CACNA2D3: variants seen among roughly 807,000 people sequenced by gnomAD.
The protein encoded by CACNA2D3 is calcium voltage-gated channel auxiliary subunit alpha2delta 3, also known as voltage-dependent calcium channel subunit alpha-2/delta-3.
Under a neutral mutation model 160.6 loss-of-function variants are expected in CACNA2D3, and 60 were observed. That is an observed-to-expected ratio of 0.37 (90% CI 0.30 to 0.46). CACNA2D3 has a LOEUF of 0.46. Ranked by LOEUF, CACNA2D3 falls within the 20% of genes least tolerant of loss-of-function variation. CACNA2D3 has a pLI of 1.00. For synonymous variants in CACNA2D3, 558 were observed against 492.9 expected (o/e 1.13, Z -1.75); for missense variants, 1,205 against 1,365.0 (o/e 0.88, Z 1.85).
At chr3:54,201,348 G>T (rs951930118) in intron 2 of CACNA2D3, among the ~76,000 whole-genome samples, 5 of 152,146 alleles carry the variant, frequency 3.3e-5, no homozygotes, top group Non-Finnish European at 7.4e-5. Flanking sequence ...AACAATTAGA[G>T]CCATGATGGG....
At chr3:54,170,649 C>T (rs1385044072) in intron 2 of CACNA2D3, among the ~76,000 whole-genome samples, 1 of 152,128 alleles carries the variant, frequency 6.6e-6, no homozygotes, top group Non-Finnish European at 1.5e-5. Flanking sequence ...TCCTTCCTTC[C>T]TCCTTTCAGT....
At chr3:54,922,344 G>T (rs1192755024) in intron 27 of CACNA2D3, among the ~76,000 whole-genome samples, 6 of 147,966 alleles carry the variant, frequency 4.1e-5, no homozygotes, top group Non-Finnish European at 7.4e-5. Flanking sequence ...TTTTAATCAA[G>T]AAATGTTCTT....
chr3:54,811,831 G>T (rs1164421808), intron 13 of CACNA2D3, among the ~76,000 whole-genome samples: 3 of 152,158 alleles, frequency 2.0e-5, no homozygotes, highest in Admixed American at 2.0e-4. Flanking sequence ...CCATTCAATA[G>T]TCTGGTCACC....
In CACNA2D3 at chr3:54,448,367, C is replaced by G. The variant is rs186654338; in HGVS notation, c.382-55125C>G. Among the ~76,000 whole-genome samples, 233 of 152,304 alleles carry G rather than the reference C, an allele frequency of 1.5e-3. 1 individual carries two copies. The highest frequency in any genetic ancestry group is 2.7e-3 in the Non-Finnish European group (187 of 68,020). On this transcript the variant is annotated intron_variant, in intron 4 of 37. Transcript: ENST00000474759. ...TCAAGAGCAGCAGGAGGAGCCATCT[C>G]CTCTAGTTCTGTGTTTTAGACCCTG...
At chr3:54,512,566 A>G (rs1277366244) in intron 5 of CACNA2D3, among the ~76,000 whole-genome samples, 2 of 152,142 alleles carry the variant, frequency 1.3e-5, no homozygotes, top group Admixed American at 1.3e-4. Context: ...GCAGTTGTAC[A>G]TCAAGAAATT....
chr3:55,057,118 C>T lies in CACNA2D3; in HGVS notation c.2988-16327C>T, dbSNP rs73073760. On this transcript the variant is annotated intron_variant, in intron 35 of 37. Coordinates refer to ENST00000474759, the MANE Select transcript of CACNA2D3 (RefSeq NM_018398.3). ...TCATGGGGGTAGGTCTTTCCTGTGC[C>T]GCTCTCGTGATAGTGAATAGCCACT... Among the ~76,000 whole-genome samples the T allele has an allele frequency of 6.1e-3, 928 of 152,184 alleles. 6 individuals are homozygous for T. Among genetic ancestry groups the T allele is most frequent in the African/African-American group, 0.012 (498 of 41,534 alleles).
rs1429901940 is a variant in CACNA2D3 at position 54,763,868 on chromosome 3, TAC to T, written c.1247-349_1247-348del. On this transcript the variant is annotated intron_variant, in intron 12 of 37. Transcript: ENST00000474759. Reference sequence around the variant, plus strand: ...ATGTACATATATATACATATATATATACGTATATATATGTATATATATGTATG... The same window carrying T: ...ATGTACATATATATACATATATATATGTATATATATGTATATATATGTATG... Among the ~76,000 whole-genome samples the T allele has an allele frequency of 1.4e-4, 10 of 69,140 alleles. 1 individual carries two copies. Among genetic ancestry groups the T allele is most frequent in the South Asian group, 5.3e-4 (1 of 1,902 alleles). 45.4% of individuals were successfully genotyped at this position (69,140 alleles called of 152,430 possible).
chr3:54,500,479 T>G (rs921088897), intron 4 of CACNA2D3, among the ~76,000 whole-genome samples: 1 of 151,778 alleles, frequency 6.6e-6, no homozygotes, highest in African/African-American at 2.4e-5. Flanking sequence ...CCATCTTCCT[T>G]CCTTCCTATC....
chr3:54,547,006 G>A (rs965236977), intron 5 of CACNA2D3, among the ~76,000 whole-genome samples: 2 of 152,268 alleles, frequency 1.3e-5, no homozygotes, highest in East Asian at 1.9e-4. Flanking sequence ...GCACTTGTCC[G>A]TGCCACTCAG....
intron 35 of CACNA2D3, among the ~76,000 whole-genome samples, chr3:55,054,246 C>T (rs1704306952): frequency 6.6e-6 from 1 of 151,840 alleles, no homozygotes; most frequent in Non-Finnish European, 1.5e-5. Flanking sequence ...TTTCTCTTTA[C>T]TCAACTCTGG....
rs376279924 is a variant in CACNA2D3 at position 54,854,526 on chromosome 3, A to AT, written c.1626+8067dup. Among the ~76,000 whole-genome samples the AT allele has an allele frequency of 5.1e-3, 776 of 152,016 alleles. 8 individuals are homozygous for AT. Among genetic ancestry groups the AT allele is most frequent in the African/African-American group, 0.017 (725 of 41,474 alleles). ...GGGGTCTGGAATCAATCCCACAGGTATTTTTTTTATTATGGACAGTGTGCT... is the reference window on the plus strand; with the variant it reads ...GGGGTCTGGAATCAATCCCACAGGTATTTTTTTTTATTATGGACAGTGTGCT... On this transcript the variant is annotated intron_variant, in intron 17 of 37. Transcript: ENST00000474759.
chr3:54,320,404 G>T (rs41277447), intron 2 of CACNA2D3, 38 bp from the exon 3 acceptor site: 141,239 of 1,016,896 alleles, frequency 0.14, 10,607 homozygotes, highest in South Asian at 0.2. Context: ...GTGTTTTACG[G>T]TGTCATGTGT....
chr3:54,630,163 T>C (rs962858611), intron 10 of CACNA2D3, among the ~76,000 whole-genome samples: 1 of 152,158 alleles, frequency 6.6e-6, no homozygotes, highest in African/African-American at 2.4e-5. Flanking sequence ...AGATTCAGCC[T>C]GATGAGGCAG....
chr3:54,648,954 A>AC (rs1699705257), intron 11 of CACNA2D3, among the ~76,000 whole-genome samples: 1 of 152,176 alleles, frequency 6.6e-6, no homozygotes, highest in East Asian at 1.9e-4. Flanking sequence ...CAACCCCATG[A>AC]CCCAAACACC....
rs138347027 is a variant in CACNA2D3 at position 54,281,501 on chromosome 3, G to A, written c.205-38941G>A. On this transcript the variant is annotated intron_variant, in intron 2 of 37. Coordinates refer to ENST00000474759, the MANE Select transcript of CACNA2D3 (RefSeq NM_018398.3). The stretch of plus-strand genomic sequence containing the variant: ...GAGGGGTGCAGGCAGACCCCAGAGC[G>A]CACTCAAACATGGCAGCTCTGTAAT... Among the ~76,000 whole-genome samples the A allele has an allele frequency of 4.6e-5, 7 of 152,122 alleles. No individual in the cohort carries two copies. In the East Asian group the frequency reaches 5.8e-4, roughly 13 times the overall value.
intron 2 of CACNA2D3, among the ~76,000 whole-genome samples, chr3:54,210,827 G>C (rs1701359133): frequency 6.6e-6 from 1 of 152,198 alleles, no homozygotes; most frequent in Non-Finnish European, 1.5e-5. Context: ...GGCAGAGAGA[G>C]GTGGTGAGTT....
chr3:55,025,578 G>T (rs1033194296), intron 35 of CACNA2D3, among the ~76,000 whole-genome samples: 46 of 141,602 alleles, frequency 3.2e-4, no homozygotes, highest in Non-Finnish European at 7.5e-5. Flanking sequence ...AGGTTGCAGT[G>T]AGCCAAGATT....
intron 2 of CACNA2D3, among the ~76,000 whole-genome samples, chr3:54,139,177 G>A (rs1387652467): frequency 2.0e-5 from 3 of 152,226 alleles, no homozygotes; most frequent in Non-Finnish European, 2.9e-5. Flanking sequence ...ATTTCCTGGT[G>A]CGTTCCACCA....
intron 5 of CACNA2D3, among the ~76,000 whole-genome samples, chr3:54,559,083 T>C (rs1702283984): frequency 6.6e-6 from 1 of 152,074 alleles, no homozygotes; most frequent in Non-Finnish European, 1.5e-5. Flanking sequence ...TTCTCAAACT[T>C]TTCATCCTGA....
Sources: gnomAD v4.1 joint callset for allele counts (sites outside exome capture counted in the v4.1 genomes callset) on GRCh38, gnomAD v4.1.1 for gene constraint, MANE v1.5 for transcripts, NCBI Gene and HGNC (gene_info 2026-07-23, HGNC 2026-07-21) for gene names.